The following TGFB2 variants were observed in gnomAD, a reference collection of about 807,000 sequenced individuals.
The protein encoded by TGFB2 is transforming growth factor beta-2 proprotein.
Under a neutral mutation model 42.7 loss-of-function variants are expected in TGFB2, and 13 were observed. The observed-to-expected ratio is 0.30, with a 90% CI of 0.20 to 0.48. TGFB2 has a LOEUF of 0.48. Ranked by LOEUF, TGFB2 falls within the 20% of genes least tolerant of loss-of-function variation. TGFB2 has a pLI of 0.99. For synonymous variants in TGFB2, 193 were observed against 193.6 expected, an observed-to-expected ratio of 1.00 and a Z score of 0.03; for missense variants, 390 against 517.5, an observed-to-expected ratio of 0.75 and a Z score of 2.39.
At position 218,434,382 on chromosome 1, in the gene TGFB2, A is replaced by G. The variant is rs1197477871; in HGVS notation, c.688A>G (p.Thr230Ala). 1 of 1,614,064 alleles carries G rather than the reference A, an allele frequency of 6.2e-7. No homozygotes were observed. Residue 230 changes from threonine (T) to alanine (A), a missense_variant, in exon 4 of 7, where the codon ACT becomes GCT. Transcript: ENST00000366930. ...AATAAGCTTACACTGTCCCTGCTGC[A>G]CTTTTGTACCATCTAATAATTACAT... ...FKISLHCPCC[T>A]FVPSNNYIIP...
intron 1 of TGFB2, among the ~76,000 whole-genome samples, chr1:218,379,563 C>T (rs1657891723): frequency 7.0e-6 from 1 of 143,180 alleles, no homozygotes; most frequent in South Asian, 2.2e-4. Flanking sequence ...CTCTCTAATG[C>T]TCAAATCTAG....
chr1:218,348,929 C>G (rs1382662572), intron 1 of TGFB2, among the ~76,000 whole-genome samples: 1 of 152,066 alleles, frequency 6.6e-6, no homozygotes, highest in Non-Finnish European at 1.5e-5. Context: ...AGCAAGTAAC[C>G]CAAGAGGGCA....
At chr1:218,437,607 G>A (rs896395268) in intron 6 of TGFB2, 111 bp downstream of exon 6, 29 of 1,164,216 alleles carry the variant, frequency 2.5e-5, no homozygotes, top group Non-Finnish European at 3.1e-5. Flanking sequence ...CATCACACAT[G>A]TATGGGTACT....
chr1:218,414,518 G>T (rs1342410044), intron 2 of TGFB2, among the ~76,000 whole-genome samples: 1 of 151,946 alleles, frequency 6.6e-6, no homozygotes, highest in Admixed American at 6.6e-5. Flanking sequence ...ACACCATGAG[G>T]TATAATAAAC....
intron 1 of TGFB2, 109 bp from the exon 2 acceptor site, chr1:218,405,060 A>AT: frequency 7.9e-7 from 1 of 1,265,564 alleles, no homozygotes; most frequent in East Asian, 2.3e-5. Context: ...GTTGGAAACT[A>AT]TTCTGTAGAT....
Position 218,436,048 on chromosome 1 carries a change from C to T in TGFB2, c.833C>T (p.Thr278Ile), listed in dbSNP as rs1395226344. 1 of 1,614,084 alleles carries T rather than the reference C, an allele frequency of 6.2e-7. No homozygotes were observed. Among genetic ancestry groups the T allele is most frequent in the Non-Finnish European group, 8.5e-7 (1 of 1,179,962 alleles). Residue 278 changes from threonine to isoleucine, a missense_variant, in exon 5 of 7, where the codon ACC (threonine) becomes ATC (isoleucine). By Grantham distance (89) the Thr-to-Ile change is moderately conservative. Transcript: ENST00000366930. ...ACTAGGAAAAAAAACAGTGGGAAGA[C>T]CCCACATCTCCTGCTAATGTTATTG... ...KSTRKKNSGK[T>I]PHLLLMLLPS... is the part of the protein sequence containing the mutation.
intron 1 of TGFB2, among the ~76,000 whole-genome samples, chr1:218,404,587 C>T (rs992017500): frequency 6.6e-6 from 1 of 152,116 alleles, no homozygotes; most frequent in African/African-American, 2.4e-5. Context: ...TAAGCTAGTA[C>T]GTGGGTTATA....
At position 218,346,602 on chromosome 1, in the gene TGFB2, A is replaced by C. The variant is rs1571820346; in HGVS notation, c.-100A>C. 1.3e-5 allele frequency: 14 copies of C among 1,118,626 alleles called. No homozygotes were observed. The highest frequency in any genetic ancestry group is 1.5e-5 in the Non-Finnish European group (12 of 810,780). 69.3% of individuals were successfully genotyped at this position (1,118,626 alleles called of 1,614,324 possible). A position where few individuals can be genotyped will look rare whatever the true frequency, so the allele number is the denominator to read the frequency against. ...TTCGCATCAAAAACAACAACAACAA[A>C]AAACCAAACAACTCTCCTTGATCTA... On this transcript the variant is annotated 5_prime_UTR_variant, in exon 1 of 7. Coordinates refer to ENST00000366930, the MANE Select transcript of TGFB2 (RefSeq NM_003238.6). This position sits in a 1 kb window ranked among gnomAD's most constrained non-coding sequence, Gnocchi z 4.9.
rs955253068 is a variant in TGFB2, at chr1:218,345,783, G to A, written c.-919G>A. The A allele has an allele frequency of 6.6e-6, 1 of 152,602 alleles. No individual in the cohort carries two copies. Among genetic ancestry groups the A allele is most frequent in the Admixed American group, 6.5e-5 (1 of 15,282 alleles). 9.5% of individuals were successfully genotyped at this position (152,602 alleles called of 1,614,324 possible). A position where few individuals can be genotyped will look rare whatever the true frequency, so the allele number is the denominator to read the frequency against. On this transcript the variant is annotated 5_prime_UTR_variant, in exon 1 of 7. Coordinates refer to ENST00000366930, the MANE Select transcript of TGFB2 (RefSeq NM_003238.6). ...GCGACGGCTGATCGTCTGTGGCTGGGTTGGCGTTTGGAGCAAGAGAAGGAG... is the reference window on the plus strand; with the variant it reads ...GCGACGGCTGATCGTCTGTGGCTGGATTGGCGTTTGGAGCAAGAGAAGGAG...
At chr1:218,417,153 A>G (rs998401696) in intron 2 of TGFB2, among the ~76,000 whole-genome samples, 4 of 152,224 alleles carry the variant, frequency 2.6e-5, no homozygotes, top group Non-Finnish European at 5.9e-5. Flanking sequence ...GAGGGCTCAG[A>G]AGAAGTCAGG....
intron 1 of TGFB2, among the ~76,000 whole-genome samples, chr1:218,388,239 CTCTG>C (rs1658201196): frequency 6.6e-6 from 1 of 152,058 alleles, no homozygotes; most frequent in Non-Finnish European, 1.5e-5. Flanking sequence ...GTTTTTAAAA[CTCTG>C]TCTGTGTTTA....
rs1420072985 is a variant in TGFB2, at chr1:218,437,323, T to G, written c.933-20T>G. On this transcript the variant is annotated intron_variant, in intron 5 of 6. Coordinates refer to ENST00000366930, the MANE Select transcript of TGFB2 (RefSeq NM_003238.6). ...ATCAGCTTTAAAATCTCCATTGCTT[T>G]TTTTTTTTTTTTTTAACAGAAATGT... The G allele has an allele frequency of 1.0e-6, 1 of 995,982 alleles. No homozygotes were observed. Among genetic ancestry groups the G allele is most frequent in the South Asian group, 2.1e-5 (1 of 47,644 alleles). 61.7% of individuals were successfully genotyped at this position (995,982 alleles called of 1,614,324 possible). A position where few individuals can be genotyped will look rare whatever the true frequency, so the allele number is the denominator to read the frequency against.
rs10482821 is a variant in TGFB2 at position 218,437,092 on chromosome 1, C to A, written c.933-251C>A. On this transcript the variant is annotated intron_variant, in intron 5 of 6. Transcript: ENST00000366930. ...AATGTATGATTTTCCAGGTCACAGA[C>A]AAGGAAGTCAGGGTATAGAACTCAT... 0.015 allele frequency among the ~76,000 whole-genome samples: 2,258 copies of A among 152,232 alleles called. 46 individuals carry two copies. The highest frequency in any genetic ancestry group is 0.05 in the African/African-American group (2,080 of 41,526).
intron 1 of TGFB2, among the ~76,000 whole-genome samples, chr1:218,379,180 T>G (rs1013040319): frequency 6.7e-6 from 1 of 148,812 alleles, no homozygotes; most frequent in East Asian, 2.0e-4. Context: ...TCACCCAGGC[T>G]GGAGTGCAGT....
chr1:218,361,858 A>T (rs1053277177), intron 1 of TGFB2, among the ~76,000 whole-genome samples: 2 of 152,162 alleles, frequency 1.3e-5, no homozygotes, highest in African/African-American at 2.4e-5. Context: ...ATGGTTTCTT[A>T]TTGGTGGGAA....
At chr1:218,421,578 G>A (rs1934852) in intron 2 of TGFB2, among the ~76,000 whole-genome samples, 1 of 151,798 alleles carries the variant, frequency 6.6e-6, no homozygotes, top group Non-Finnish European at 1.5e-5. Flanking sequence ...TAGTTAGATT[G>A]AGCATTATAC....
At chr1:218,362,515 A>G (rs1237044285) in intron 1 of TGFB2, among the ~76,000 whole-genome samples, 1 of 152,222 alleles carries the variant, frequency 6.6e-6, no homozygotes, top group Admixed American at 6.5e-5. Context: ...CCATGGATTC[A>G]CAGGAAATCA....
In TGFB2 at chr1:218,406,212, C is replaced by G. The variant is rs189157973; in HGVS notation, c.510+880C>G. On this transcript the variant is annotated intron_variant, in intron 2 of 6. Transcript: ENST00000366930. ...CTCAATACACACACACACACACACA[C>G]ACACTTTCCTCCATTATTTGGACAG... Among the ~76,000 whole-genome samples, 367 of 151,846 alleles carry G rather than the reference C, an allele frequency of 2.4e-3. 1 individual carries two copies. The highest frequency in any genetic ancestry group is 8.6e-3 in the African/African-American group (355 of 41,334).
intron 5 of TGFB2, 132 bp from the exon 6 acceptor site, chr1:218,437,211 G>A: frequency 7.7e-6 from 7 of 907,546 alleles, no homozygotes; most frequent in Non-Finnish European, 1.2e-5. Context: ...CCTGGCCCAT[G>A]ATATTTGCTC....
Sources: allele counts gnomAD v4.1 joint callset (sites outside exome capture counted in the v4.1 genomes callset), GRCh38; gene constraint gnomAD v4.1.1; non-coding constraint Gnocchi (gnomAD v3.1); transcripts MANE v1.5; gene names NCBI Gene and HGNC (gene_info 2026-07-23, HGNC 2026-07-21).